PTCH1: variants seen among roughly 807,000 people sequenced by gnomAD.
The protein encoded by PTCH1 is patched 1.
Under a neutral mutation model 144.6 loss-of-function variants are expected in PTCH1, and 14 were observed. That is an observed-to-expected ratio of 0.10 (90% confidence interval 0.06 to 0.15). The LOEUF is 0.15. Among genes scored for constraint, PTCH1 ranks in the 10% least tolerant of loss-of-function variants. PTCH1 has a pLI of 1.00. For synonymous variants in PTCH1, 833 were observed against 793.6 expected, an observed-to-expected ratio of 1.05 and a Z score of -0.83; for missense variants, 1,623 against 1,948.3, an observed-to-expected ratio of 0.83 and a Z score of 3.14.
rs1805153 is a variant in PTCH1 at position 95,506,483 on chromosome 9, G to A, written c.318C>T (p.Leu106=). 0.021 allele frequency: 33,507 copies of A among 1,613,524 alleles called. 464 individuals are homozygous for A. The highest frequency in any genetic ancestry group is 0.025 in the Non-Finnish European group (29,796 of 1,179,756). Residue 106 remains leucine, a synonymous_variant, in exon 2 of 24, where the codon CTC becomes CTT. Coordinates refer to ENST00000331920, the MANE Select transcript of PTCH1 (RefSeq NM_000264.5). The part of the protein sequence containing the change: ...KNCGKFLVVG[L]LIFGAFAVGL... Reference sequence around the variant, plus strand: ...CCACCGCGAAGGCCCCAAATATGAGGAGGCCCACAACCAAGAACTTGCCGC... The same window carrying A: ...CCACCGCGAAGGCCCCAAATATGAGAAGGCCCACAACCAAGAACTTGCCGC...
chr9:95,506,307 C>T (rs1193818327), intron 2 of PTCH1, 100 bp downstream of exon 2: 2 of 1,382,244 alleles, frequency 1.4e-6, no homozygotes, highest in Non-Finnish European at 2.0e-6. Context: ...GGGGGTTTCG[C>T]CGGCCGCAGC....
Position 95,476,921 on chromosome 9 carries a change from CTAGT to C in PTCH1, c.1504-68_1504-65del. 6.8e-7 allele frequency: 1 copy of C among 1,468,628 alleles called. No homozygotes were observed. The highest frequency in any genetic ancestry group is 1.2e-5 in the South Asian group (1 of 84,480). 91.0% of individuals were successfully genotyped at this position (1,468,628 alleles called of 1,614,324 possible). ...AGATGCAATTCAGATGATTCTAAAGCTAGTTAGGACTCTGCCACCAGCACCTAAC... is the reference window on the plus strand; with the variant it reads ...AGATGCAATTCAGATGATTCTAAAGCTAGGACTCTGCCACCAGCACCTAAC... On this transcript the variant is annotated intron_variant, in intron 10 of 23. Coordinates refer to ENST00000331920, the MANE Select transcript of PTCH1 (RefSeq NM_000264.5). The surrounding 1 kb of genome is among the most constrained non-coding windows in gnomAD (Gnocchi z 4.6).
chr9:95,481,976 T>C lies in PTCH1; in HGVS notation c.719A>G (p.Lys240Arg). The C allele has an allele frequency of 6.2e-7, 1 of 1,613,636 alleles. No homozygotes were observed. Among genetic ancestry groups the C allele is most frequent in the Non-Finnish European group, 8.5e-7 (1 of 1,179,534 alleles). ...GAGGTATGCTGTCCCAGACTGTAAT[T>C]TCGCCCCTTCCCAGAAGCAGTCCAA... Reference protein sequence around the residue: ...TPLDCFWEGAKLQSGTAYLLG... With the variant: ...TPLDCFWEGARLQSGTAYLLG... Residue 240 changes from lysine to arginine, a missense_variant, in exon 5 of 24, where the codon AAA (lysine) becomes AGA (arginine). This residue lies in a region of PTCH1 where 230 missense variants were observed against 271.0 expected (regional missense o/e 0.85). Transcript: ENST00000331920.
chr9:95,498,069 G>A (rs926548655), intron 2 of PTCH1, among the ~76,000 whole-genome samples: 7 of 152,070 alleles, frequency 4.6e-5, no homozygotes, highest in African/African-American at 1.7e-4. Context: ...ATGATTTAAG[G>A]GGGAAAAAAA....
chr9:95,476,725 TC>T lies in PTCH1; in HGVS notation c.1602+33del. ...CTTAGGAACAGAGGAAGCTGTGATG[TC>T]CCCAAAGCTCTCTTCTTTTGTTTTT... On this transcript the variant is annotated intron_variant, in intron 11 of 23. Coordinates refer to ENST00000331920, the MANE Select transcript of PTCH1 (RefSeq NM_000264.5). The surrounding 1 kb of genome is among the most constrained non-coding windows in gnomAD (Gnocchi z 4.6). 1 of 1,567,644 alleles carries T rather than the reference TC, an allele frequency of 6.4e-7. No individual in the cohort carries two copies. The highest frequency in any genetic ancestry group is 2.3e-5 in the East Asian group (1 of 44,010).
upstream of PTCH1, among the ~76,000 whole-genome samples, chr9:95,513,056 A>C (rs1280856923): frequency 6.6e-6 from 1 of 152,216 alleles, no homozygotes; most frequent in Non-Finnish European, 1.5e-5. Flanking sequence ...TCTCTGTTCC[A>C]ATACTACAAA....
chr9:95,509,052 G>T lies in PTCH1; in HGVS notation c.-691C>A, dbSNP rs1258633651. ...GGGTTCGCGGTGGCTGCTCGGTCCCGGACTCTGCTTTCTTGTGCTCCTCGG... is the reference window on the plus strand; with the variant it reads ...GGGTTCGCGGTGGCTGCTCGGTCCCTGACTCTGCTTTCTTGTGCTCCTCGG... On this transcript the variant is annotated 5_prime_UTR_variant, in exon 1 of 24. Transcript: ENST00000331920. Among the ~76,000 whole-genome samples, 1 of 151,968 alleles carries T rather than the reference G, an allele frequency of 6.6e-6. No homozygotes were observed. The highest frequency in any genetic ancestry group is 1.5e-5 in the Non-Finnish European group (1 of 67,944).
At chr9:95,479,186 C>A in intron 7 of PTCH1, 39 bp from the exon 8 acceptor site, 6 of 1,613,762 alleles carry the variant, frequency 3.7e-6, no homozygotes, top group Non-Finnish European at 4.2e-6. Flanking sequence ...CATCAGTATT[C>A]CCAGGAAGCA....
rs757308810 is a variant in PTCH1, at chr9:95,516,806, A to G, written c.-335T>C. ...GACTCACAATTACAAGCCTGTTTCT[A>G]TTAAGCAGTTCCATGGCCCTCGGCG... On this transcript the variant is annotated 5_prime_UTR_variant, in exon 1 of 23. Coordinates refer to the PTCH1 transcript ENST00000430669. The G allele has an allele frequency of 7.5e-6, 12 of 1,610,120 alleles. No individual in the cohort carries two copies. In the African/African-American group the frequency reaches 1.2e-4, roughly 16 times the overall value.
intron 2 of PTCH1, chr9:95,495,366 T>C (rs1262024031): frequency 1.3e-5 from 2 of 151,922 alleles, no homozygotes; most frequent in East Asian, 3.9e-4. Context: ...TCCCGCATCA[T>C]GCATTTCAAA....
Position 95,485,831 on chromosome 9 carries a change from C to A in PTCH1, c.438G>T (p.Lys146Asn), listed in dbSNP as rs1396282545. Residue 146 changes from lysine (K) to asparagine (N), a missense_variant, in exon 3 of 24, where the codon AAG (lysine) becomes AAT (asparagine). By Grantham distance (94) the Lys-to-Asn change is moderately conservative. Transcript: ENST00000331920. ...GATTAAACATAGCCTCTTCTCCAAT[C>A]TTCTGGCGAGTATAATTTAATTCAC... ...VSRELNYTRQKIGEEAMFNPQ... is the reference protein window; with the variant it reads ...VSRELNYTRQNIGEEAMFNPQ... The A allele has an allele frequency of 1.2e-6, 2 of 1,614,206 alleles. No individual in the cohort carries two copies. The highest frequency in any genetic ancestry group is 1.7e-6 in the Non-Finnish European group (2 of 1,180,032).
Position 95,449,510 on chromosome 9 carries a change from A to G in PTCH1, c.3550-187T>C. 7 of 789,862 alleles carry G rather than the reference A, an allele frequency of 8.9e-6. No homozygotes were observed. Among genetic ancestry groups the G allele is most frequent in the Non-Finnish European group, 1.4e-5 (7 of 487,844 alleles). 48.9% of individuals were successfully genotyped at this position (789,862 alleles called of 1,614,324 possible). On this transcript the variant is annotated intron_variant, in intron 21 of 23. Transcript: ENST00000331920. The surrounding 1 kb of genome is among the most constrained non-coding windows in gnomAD (Gnocchi z 5.3). ...TCAGGTCCCGCAGCTGGAGCAGAAG[A>G]ACTGTCCTCTGCTCCACACTGGAAA...
At chr9:95,451,669 G>A (rs534604188) in intron 20 of PTCH1, 30 of 152,274 alleles carry the variant, frequency 2.0e-4, no homozygotes, top group African/African-American at 7.2e-4. Flanking sequence ...GGGATATGGG[G>A]GTCCCCATTA....
chr9:95,470,708 G>A (rs1409290130), intron 12 of PTCH1, among the ~76,000 whole-genome samples: 1 of 152,122 alleles, frequency 6.6e-6, no homozygotes, highest in Non-Finnish European at 1.5e-5. Context: ...GGAAGGGCAC[G>A]GCAGAAGGGG....
Position 95,445,184 on chromosome 9 carries a change from G to C in PTCH1, c.*1209C>G, listed in dbSNP as rs1837781656. ...AACCAGCTGCTCCATTTAAGAGAGGGAGTTTAAACTATAGGGACTCAAAAC... is the reference window on the plus strand; with the variant it reads ...AACCAGCTGCTCCATTTAAGAGAGGCAGTTTAAACTATAGGGACTCAAAAC... On this transcript the variant is annotated 3_prime_UTR_variant, in exon 24 of 24. Transcript: ENST00000331920. 1 of 152,142 alleles carries C rather than the reference G, an allele frequency of 6.6e-6. No homozygotes were observed. Among genetic ancestry groups the C allele is most frequent in the Admixed American group, 6.5e-5 (1 of 15,278 alleles). 9.4% of individuals were successfully genotyped at this position (152,142 alleles called of 1,614,324 possible).
chr9:95,461,489 G>A (rs966380848), intron 16 of PTCH1, among the ~76,000 whole-genome samples: 1 of 152,162 alleles, frequency 6.6e-6, no homozygotes, highest in African/African-American at 2.4e-5. Flanking sequence ...TTCCAAGCTT[G>A]AATACCATCA....
At chr9:95,475,909 A>C in intron 12 of PTCH1, 125 bp downstream of exon 12, 1 of 1,461,550 alleles carries the variant, frequency 6.8e-7, no homozygotes, top group Non-Finnish European at 9.4e-7. Context: ...ACAGAGCCTC[A>C]AACACAGGCA....
chr9:95,463,188 G>A (rs1252424362), intron 15 of PTCH1, among the ~76,000 whole-genome samples: 1 of 152,172 alleles, frequency 6.6e-6, no homozygotes, highest in East Asian at 1.9e-4. Context: ...ATCTGGTTGC[G>A]TTAGTGCTCA....
chr9:95,472,990 G>C (rs1393567287), intron 12 of PTCH1, among the ~76,000 whole-genome samples: 1 of 152,210 alleles, frequency 6.6e-6, no homozygotes, highest in African/African-American at 2.4e-5. Flanking sequence ...TCCCCTCAAA[G>C]CAGCTAAGGC....
Sources: allele counts gnomAD v4.1 joint callset (sites outside exome capture counted in the v4.1 genomes callset), GRCh38; gene constraint gnomAD v4.1.1; regional missense constraint gnomAD v4.1.1; non-coding constraint Gnocchi (gnomAD v3.1); transcripts MANE v1.5; gene names NCBI Gene and HGNC (gene_info 2026-07-23, HGNC 2026-07-21).